The following PUS10 variants were observed in gnomAD, a reference collection of about 807,000 sequenced individuals.
PUS10 encodes pseudouridine synthase 10.
Under a neutral mutation model 75.0 loss-of-function variants are expected in PUS10, and 59 were observed. That is an observed-to-expected ratio of 0.79 (90% CI 0.64 to 0.98). The LOEUF is 0.98. Among genes scored for constraint, PUS10 ranks in the 50% least tolerant of loss-of-function variants. The pLI, the probability that PUS10 is intolerant of heterozygous loss-of-function variation, is 0.00. For synonymous variants in PUS10, 219 were observed against 211.6 expected (o/e 1.03, Z -0.30); for missense variants, 650 against 614.4 (o/e 1.06, Z -0.61).
chr2:60,984,434 T>C (rs1401363609), intron 4 of PUS10, among the ~76,000 whole-genome samples: 8 of 152,210 alleles, frequency 5.3e-5, no homozygotes, highest in Admixed American at 5.2e-4. Context: ...ACTTCAGGTT[T>C]GAAAAAGACA....
At chr2:61,012,867 AATATATAT>A (rs1559006783) in intron 1 of PUS10, among the ~76,000 whole-genome samples, 1 of 27,734 alleles carries the variant, frequency 3.6e-5, no homozygotes, top group African/African-American at 1.8e-4. Context: ...AAAAAAAAAA[AATATATAT>A]ATATATATAT....
chr2:60,966,392 G>A (rs954595972), intron 6 of PUS10: 6 of 152,172 alleles, frequency 3.9e-5, no homozygotes, highest in African/African-American at 1.2e-4. Flanking sequence ...TCATTGGATA[G>A]TTAGTAGACC....
intron 4 of PUS10, among the ~76,000 whole-genome samples, chr2:60,997,017 T>A (rs963727327): frequency 1.3e-5 from 2 of 152,216 alleles, no homozygotes; most frequent in African/African-American, 4.8e-5. Flanking sequence ...GGAGTCCTGT[T>A]CTAGCTGATC....
chr2:60,955,841 A>G (rs1675614875), intron 11 of PUS10, among the ~76,000 whole-genome samples: 1 of 152,180 alleles, frequency 6.6e-6, no homozygotes. Context: ...CCCTCTGGCC[A>G]TAAGCGTATG....
chr2:61,006,162 A>G (rs1679198284), intron 4 of PUS10, among the ~76,000 whole-genome samples: 1 of 152,230 alleles, frequency 6.6e-6, no homozygotes, highest in Non-Finnish European at 1.5e-5. Context: ...CAAAGGGAAG[A>G]AGGCTCATCA....
intron 15 of PUS10, among the ~76,000 whole-genome samples, chr2:60,951,892 G>C (rs1409540773): frequency 6.6e-6 from 1 of 152,178 alleles, no homozygotes; most frequent in African/African-American, 2.4e-5. Flanking sequence ...TGGCTGAATA[G>C]TAGTGGTCCA....
In PUS10 at chr2:60,997,535, G is replaced by A. The variant is rs542039241; in HGVS notation, c.468+9022C>T. Reference sequence around the variant, plus strand: ...TGAGGCAGGAGAATGGCGTGAACCCGGGAGGCGGGGTTTGCAGTGAGCTGA... The same window carrying A: ...TGAGGCAGGAGAATGGCGTGAACCCAGGAGGCGGGGTTTGCAGTGAGCTGA... On this transcript the variant is annotated intron_variant, in intron 4 of 17. Transcript: ENST00000316752. Among the ~76,000 whole-genome samples, 7 of 151,684 alleles carry A rather than the reference G, an allele frequency of 4.6e-5. No homozygotes were observed. In the East Asian group the frequency reaches 1.4e-3, roughly 29 times the overall value.
At chr2:60,966,055 A>G (rs1379854504) in intron 6 of PUS10, 1 of 152,110 alleles carries the variant, frequency 6.6e-6, no homozygotes, top group Non-Finnish European at 1.5e-5. Context: ...CAGAACCATT[A>G]ACAATTTGAT....
chr2:60,942,462 C>T (rs1674678385), intron 17 of PUS10, 29 bp from the exon 18 acceptor site: 10 of 1,572,212 alleles, frequency 6.4e-6, no homozygotes, highest in Non-Finnish European at 8.8e-6. Flanking sequence ...GTCATTAAAA[C>T]AGATATTACT....
chr2:61,014,390 G>GCAAA (rs1162740154), intron 1 of PUS10, among the ~76,000 whole-genome samples: 3 of 151,852 alleles, frequency 2.0e-5, no homozygotes, highest in South Asian at 2.1e-4. Context: ...AAACAAACAA[G>GCAAA]CAAACAAACA....
chr2:60,944,625 C>T (rs934336161), intron 17 of PUS10, among the ~76,000 whole-genome samples: 3 of 152,172 alleles, frequency 2.0e-5, no homozygotes, highest in Non-Finnish European at 4.4e-5. Context: ...CCTTATAGAA[C>T]TGCTTTTATG....
intron 4 of PUS10, among the ~76,000 whole-genome samples, chr2:61,000,801 T>C (rs1678802464): frequency 6.6e-6 from 1 of 152,224 alleles, no homozygotes; most frequent in African/African-American, 2.4e-5. Flanking sequence ...GGGAGATATT[T>C]ATATCCTACT....
chr2:60,972,115 C>G (rs1385529043), intron 4 of PUS10, among the ~76,000 whole-genome samples: 3 of 146,314 alleles, frequency 2.1e-5, no homozygotes, highest in Non-Finnish European at 4.5e-5. Flanking sequence ...GTGATCCGCC[C>G]ACCTCGGCCT....
chr2:61,009,715 TC>T (rs1679474306), intron 2 of PUS10: 1 of 152,334 alleles, frequency 6.6e-6, no homozygotes, highest in South Asian at 2.1e-4. Flanking sequence ...ATTCCTCTCA[TC>T]AAAATACTCA....
intron 4 of PUS10, among the ~76,000 whole-genome samples, chr2:60,976,241 T>G (rs1327668589): frequency 1.3e-5 from 2 of 152,268 alleles, no homozygotes; most frequent in African/African-American, 4.8e-5. Flanking sequence ...TTATCTGTAC[T>G]TTACAAATAA....
chr2:61,004,098 T>G (rs1679042414), intron 4 of PUS10, among the ~76,000 whole-genome samples: 3 of 152,164 alleles, frequency 2.0e-5, no homozygotes, highest in African/African-American at 7.2e-5. Flanking sequence ...ACAAAGAAGT[T>G]CTAAGGTAGA....
chr2:60,945,395 A>G (rs1160049106), intron 16 of PUS10, among the ~76,000 whole-genome samples: 3 of 152,206 alleles, frequency 2.0e-5, no homozygotes, highest in Non-Finnish European at 2.9e-5. Flanking sequence ...TGTGGATTTT[A>G]AAAATTAACC....
intron 15 of PUS10, among the ~76,000 whole-genome samples, chr2:60,948,683 A>G (rs926267786): frequency 6.6e-6 from 1 of 152,142 alleles, no homozygotes; most frequent in African/African-American, 2.4e-5. Flanking sequence ...ATAATTACAA[A>G]TCGATGTGCA....
At chr2:60,957,774 A>C (rs928799267) in intron 11 of PUS10, among the ~76,000 whole-genome samples, 3 of 152,226 alleles carry the variant, frequency 2.0e-5, no homozygotes, top group African/African-American at 7.2e-5. Context: ...GTCCCTGCCC[A>C]GAGGACACCC....
Sources: gnomAD v4.1 joint callset for allele counts (sites outside exome capture counted in the v4.1 genomes callset) on GRCh38, gnomAD v4.1.1 for gene constraint, MANE v1.5 for transcripts, NCBI Gene and HGNC (gene_info 2026-07-23, HGNC 2026-07-21) for gene names.